The following SIK3 variants were observed in gnomAD, a reference collection of about 807,000 sequenced individuals.
SIK3 encodes the protein SIK family kinase 3.
A neutral mutation model predicts 144.2 loss-of-function variants in SIK3; 28 were observed. That is an observed-to-expected ratio of 0.19 (90% CI 0.14 to 0.27). The LOEUF (loss-of-function observed/expected upper bound fraction) is 0.27, where lower values mean the gene tolerates loss of function less well. SIK3 is among the 10% of genes least tolerant of loss of function. The pLI is 1.00. For synonymous variants in SIK3, 686 were observed against 676.3 expected, an observed-to-expected ratio of 1.01 and a Z score of -0.22; for missense variants, 1,319 against 1,776.0, an observed-to-expected ratio of 0.74 and a Z score of 4.62.
intron 1 of SIK3, among the ~76,000 whole-genome samples, chr11:117,093,998 G>A (rs1224999849): frequency 1.3e-5 from 2 of 151,940 alleles, no homozygotes; most frequent in Admixed American, 6.6e-5. Context: ...ATGCTATTAG[G>A]GCACCATGCT....
intron 1 of SIK3, among the ~76,000 whole-genome samples, chr11:117,066,929 A>G (rs1005188260): frequency 3.3e-5 from 5 of 152,224 alleles, no homozygotes; most frequent in African/African-American, 1.2e-4. Flanking sequence ...AAGATACTCA[A>G]TATCATTAGT....
At chr11:116,853,946 T>C (rs1393960492) in intron 21 of SIK3, among the ~76,000 whole-genome samples, 1 of 152,252 alleles carries the variant, frequency 6.6e-6, no homozygotes, top group Non-Finnish European at 1.5e-5. Flanking sequence ...AAGAAACCTT[T>C]GGCATGCTGC....
intron 1 of SIK3, among the ~76,000 whole-genome samples, chr11:117,023,615 A>T (rs867812242): frequency 3.0e-4 from 31 of 103,988 alleles, no homozygotes; most frequent in Admixed American, 6.9e-4. Flanking sequence ...CAAACAAAAA[A>T]AAAAAAATAT....
intron 4 of SIK3, among the ~76,000 whole-genome samples, chr11:116,926,761 C>T (rs1191742848): frequency 6.6e-6 from 1 of 152,162 alleles, no homozygotes; most frequent in African/African-American, 2.4e-5. Flanking sequence ...TGGCTCACGC[C>T]TGTAATCCCA....
At chr11:117,091,841 G>A (rs1366359502) in intron 1 of SIK3, among the ~76,000 whole-genome samples, 1 of 152,030 alleles carries the variant, frequency 6.6e-6, no homozygotes, top group African/African-American at 2.4e-5. Flanking sequence ...GGGATACAAT[G>A]GTGTGTCCAT....
intron 3 of SIK3, among the ~76,000 whole-genome samples, chr11:116,949,116 G>A (rs190310222): frequency 2.8e-4 from 42 of 152,104 alleles, no homozygotes; most frequent in Admixed American, 3.9e-4. Context: ...TGCTTAGAGA[G>A]AAATTTATAG....
chr11:116,911,238 T>C (rs1157102962), intron 4 of SIK3, among the ~76,000 whole-genome samples: 1 of 152,230 alleles, frequency 6.6e-6, no homozygotes, highest in Non-Finnish European at 1.5e-5. Flanking sequence ...CCAGGTGCAG[T>C]GGCTCATGCC....
chr11:117,089,611 G>A lies in SIK3; in HGVS notation c.273+8532C>T, dbSNP rs531804336. 3.9e-5 allele frequency among the ~76,000 whole-genome samples: 6 copies of A among 152,180 alleles called. No homozygotes were observed. In the East Asian group the frequency reaches 9.6e-4, roughly 24 times the overall value. Reference sequence around the variant, plus strand: ...CAAAAAATTCCGTCTCAAGAAATGTGGGCAACTAACCTACATTTTCACATT... The same window carrying A: ...CAAAAAATTCCGTCTCAAGAAATGTAGGCAACTAACCTACATTTTCACATT... On this transcript the variant is annotated intron_variant, in intron 1 of 24. Transcript: ENST00000445177.
At chr11:116,978,378 C>G (rs1004082379) in intron 1 of SIK3, among the ~76,000 whole-genome samples, 2 of 152,146 alleles carry the variant, frequency 1.3e-5, no homozygotes, top group African/African-American at 4.8e-5. Flanking sequence ...CCACCTCATC[C>G]CACTCCAAGA....
In SIK3 at chr11:116,877,574, G is replaced by A. The variant is rs183129487; in HGVS notation, c.866-532C>T. Among the ~76,000 whole-genome samples the A allele has an allele frequency of 2.1e-3, 326 of 152,180 alleles. 2 individuals carry two copies. Among genetic ancestry groups the A allele is most frequent in the Non-Finnish European group, 3.2e-3 (218 of 68,006 alleles). ...CAGGCTACTTCTCTCCTATGCCCTG[G>A]GATTCAGCTAGCCTTATTTATCATT... is the stretch of plus-strand genomic sequence containing the variant. On this transcript the variant is annotated intron_variant, in intron 6 of 24. Transcript: ENST00000445177.
At position 116,970,227 on chromosome 11, in the gene SIK3, T is replaced by C. The variant is rs191153869; in HGVS notation, c.274-13163A>G. Among the ~76,000 whole-genome samples, 558 of 152,284 alleles carry C rather than the reference T, an allele frequency of 3.7e-3. 3 individuals carry two copies. Among genetic ancestry groups the C allele is most frequent in the African/African-American group, 0.013 (533 of 41,568 alleles). Reference sequence around the variant, plus strand: ...CGGAGGTCAAGGCTGCAGTGAGTTGTGATCAAGCCACTACACTCCTAGCCT... The same window carrying C: ...CGGAGGTCAAGGCTGCAGTGAGTTGCGATCAAGCCACTACACTCCTAGCCT... On this transcript the variant is annotated intron_variant, in intron 1 of 24. Coordinates refer to ENST00000445177, the MANE Select transcript of SIK3 (RefSeq NM_001366686.3).
At chr11:116,926,382 C>T (rs999158140) in intron 4 of SIK3, among the ~76,000 whole-genome samples, 5 of 152,150 alleles carry the variant, frequency 3.3e-5, no homozygotes, top group Non-Finnish European at 7.4e-5. Flanking sequence ...TAAGCATGAA[C>T]AGATCAAGGC....
chr11:116,972,781 C>T (rs954614037), intron 1 of SIK3, among the ~76,000 whole-genome samples: 2 of 151,676 alleles, frequency 1.3e-5, no homozygotes, highest in Non-Finnish European at 2.9e-5. Flanking sequence ...GACTGGCCCC[C>T]AATGGTTCTC....
intron 4 of SIK3, among the ~76,000 whole-genome samples, chr11:116,901,848 T>C (rs1162225189): frequency 6.6e-6 from 1 of 152,162 alleles, no homozygotes; most frequent in Non-Finnish European, 1.5e-5. Context: ...CACTTACAAA[T>C]TAAAGTCTGC....
intron 4 of SIK3, among the ~76,000 whole-genome samples, chr11:116,925,304 A>G (rs948010324): frequency 2.0e-5 from 3 of 152,204 alleles, no homozygotes; most frequent in Non-Finnish European, 4.4e-5. Flanking sequence ...GGATTATCTG[A>G]GACAGCCCAA....
At chr11:117,008,184 A>G (rs1951124623) in intron 1 of SIK3, among the ~76,000 whole-genome samples, 2 of 152,108 alleles carry the variant, frequency 1.3e-5, no homozygotes, top group Admixed American at 1.3e-4. Context: ...GTTCATTCCA[A>G]AACAAGTAGG....
intron 4 of SIK3, among the ~76,000 whole-genome samples, chr11:116,900,643 G>A (rs969669675): frequency 6.6e-6 from 1 of 152,034 alleles, no homozygotes; most frequent in African/African-American, 2.4e-5. Context: ...CCTTCCACAT[G>A]CTATTTCCTC....
intron 4 of SIK3, among the ~76,000 whole-genome samples, chr11:116,904,369 A>T (rs1355030196): frequency 6.6e-6 from 1 of 152,232 alleles, no homozygotes; most frequent in African/African-American, 2.4e-5. Context: ...GCATATGGCA[A>T]GAAATAAAGA....
intron 1 of SIK3, among the ~76,000 whole-genome samples, chr11:116,964,139 G>A (rs1949441288): frequency 1.3e-5 from 2 of 152,080 alleles, no homozygotes; most frequent in Non-Finnish European, 2.9e-5. Context: ...CTTCTGAGTA[G>A]CTGGGACTAC....
Sources: allele counts gnomAD v4.1 joint callset (sites outside exome capture counted in the v4.1 genomes callset), GRCh38; gene constraint gnomAD v4.1.1; transcripts MANE v1.5; gene names NCBI Gene and HGNC (gene_info 2026-07-23, HGNC 2026-07-21).